EXOC4: variants seen among roughly 807,000 people sequenced by gnomAD.
EXOC4 encodes the protein exocyst complex component 4.
In EXOC4, 71 loss-of-function variants were observed where a neutral mutation model predicts 107.2. The ratio of observed to expected loss-of-function variants is 0.66; its 90% confidence interval spans 0.55 to 0.81. EXOC4 has a LOEUF of 0.81. Among genes scored for constraint, EXOC4 ranks in the 30% least tolerant of loss-of-function variants. The pLI, the probability that EXOC4 is intolerant of heterozygous loss-of-function variation, is 0.00. For synonymous variants in EXOC4, 456 were observed against 441.2 expected (o/e 1.03, Z -0.42); for missense variants, 1,108 against 1,189.6 (o/e 0.93, Z 1.01).
intron 7 of EXOC4, among the ~76,000 whole-genome samples, chr7:133,435,224 G>A (rs1196855059): frequency 1.3e-5 from 2 of 152,030 alleles, no homozygotes; most frequent in Non-Finnish European, 2.9e-5. Flanking sequence ...ATACGTCAGA[G>A]GTCATCTTGT....
chr7:133,303,825 T>TA (rs1236280096), intron 3 of EXOC4, among the ~76,000 whole-genome samples: 1 of 152,230 alleles, frequency 6.6e-6, no homozygotes, highest in East Asian at 1.9e-4. Flanking sequence ...AAGGAACACT[T>TA]ACTGAAATTG....
chr7:133,715,995 C>T (rs1367562145), intron 10 of EXOC4, among the ~76,000 whole-genome samples: 3 of 152,154 alleles, frequency 2.0e-5, no homozygotes, highest in Non-Finnish European at 2.9e-5. Flanking sequence ...ATCATTAAAG[C>T]AGTTAACTCT....
At chr7:133,560,579 G>A (rs988039678) in intron 9 of EXOC4, among the ~76,000 whole-genome samples, 5 of 152,064 alleles carry the variant, frequency 3.3e-5, no homozygotes, top group African/African-American at 1.2e-4. Flanking sequence ...CCACTGTGCT[G>A]GGCCAAGATT....
chr7:133,899,564 A>G (rs1281494922), intron 12 of EXOC4, among the ~76,000 whole-genome samples: 7 of 152,182 alleles, frequency 4.6e-5, no homozygotes, highest in Admixed American at 4.6e-4. Flanking sequence ...CTTGAAATAT[A>G]TGAAGATAGC....
At chr7:133,981,970 G>A (rs1162832427) in intron 14 of EXOC4, among the ~76,000 whole-genome samples, 1 of 152,164 alleles carries the variant, frequency 6.6e-6, no homozygotes, top group East Asian at 1.9e-4. Flanking sequence ...GGATGGATCT[G>A]CAGGCCATTA....
intron 9 of EXOC4, among the ~76,000 whole-genome samples, chr7:133,589,939 C>G (rs544231192): frequency 5.9e-5 from 9 of 152,094 alleles, no homozygotes; most frequent in Non-Finnish European, 1.3e-4. Flanking sequence ...TATTGTCTCA[C>G]GACCAGAAAA....
chr7:133,884,620 TGC>T (rs1554414614), intron 11 of EXOC4, among the ~76,000 whole-genome samples: 12 of 142,414 alleles, frequency 8.4e-5, no homozygotes, highest in South Asian at 4.5e-4. Flanking sequence ...TGTGTGTGTG[TGC>T]GCGCGTGTGT....
rs978603727 is a variant in EXOC4 at position 133,987,199 on chromosome 7, G to A, written c.2207-10293G>A. 3.9e-5 allele frequency among the ~76,000 whole-genome samples: 6 copies of A among 152,146 alleles called. No homozygotes were observed. The South Asian group carries it at 1.2e-3, about 32-fold the overall frequency. On this transcript the variant is annotated intron_variant, in intron 14 of 17. Transcript: ENST00000253861. The stretch of plus-strand genomic sequence containing the variant: ...TTTGGGGCTGGGCAAGGTTCCTCAC[G>A]CCTGTAATCCCAGCACTTTGGGAAG...
chr7:133,387,541 T>G (rs1796755140), intron 7 of EXOC4, among the ~76,000 whole-genome samples: 1 of 152,188 alleles, frequency 6.6e-6, no homozygotes, highest in Non-Finnish European at 1.5e-5. Context: ...AATAATTTCT[T>G]GGACTGGAAA....
intron 12 of EXOC4, among the ~76,000 whole-genome samples, chr7:133,911,565 A>C (rs1799696496): frequency 6.6e-6 from 1 of 152,190 alleles, no homozygotes. Context: ...TATTAGAGAT[A>C]ATGTAATCTT....
intron 9 of EXOC4, among the ~76,000 whole-genome samples, chr7:133,487,438 G>C (rs1242922779): frequency 1.3e-5 from 2 of 152,154 alleles, no homozygotes; most frequent in African/African-American, 4.8e-5. Flanking sequence ...GCTGCGCATG[G>C]TGGCTCACTC....
At chr7:133,785,696 G>A (rs1428603170) in intron 10 of EXOC4, among the ~76,000 whole-genome samples, 2 of 150,902 alleles carry the variant, frequency 1.3e-5, no homozygotes, top group Non-Finnish European at 3.0e-5. Flanking sequence ...TTTTTGAGAC[G>A]GAGTCTCGTT....
At chr7:134,006,917 A>C (rs1271818254) in intron 16 of EXOC4, among the ~76,000 whole-genome samples, 2 of 152,160 alleles carry the variant, frequency 1.3e-5, no homozygotes, top group Non-Finnish European at 2.9e-5. Flanking sequence ...TGATGTCCTG[A>C]GCTGCCCTTT....
intron 17 of EXOC4, among the ~76,000 whole-genome samples, chr7:134,034,266 G>C (rs1795337068): frequency 1.3e-5 from 2 of 152,086 alleles, no homozygotes; most frequent in Non-Finnish European, 2.9e-5. Context: ...AACTCAAGTA[G>C]TACAAGAGAA....
At chr7:133,455,007 G>A (rs954930282) in intron 7 of EXOC4, among the ~76,000 whole-genome samples, 1 of 152,088 alleles carries the variant, frequency 6.6e-6, no homozygotes, top group Admixed American at 6.6e-5. Flanking sequence ...GATTGCTTGA[G>A]CTGGGGAGGT....
chr7:134,004,510 A>G (rs558897570), intron 15 of EXOC4, among the ~76,000 whole-genome samples: 46 of 152,318 alleles, frequency 3.0e-4, no homozygotes, highest in African/African-American at 1.1e-3. Context: ...TTGCAACAAT[A>G]TCTGTTGAAA....
chr7:133,517,425 G>T (rs1039354642), intron 9 of EXOC4, among the ~76,000 whole-genome samples: 4 of 152,034 alleles, frequency 2.6e-5, no homozygotes, highest in African/African-American at 9.7e-5. Context: ...TCCTTCCCCC[G>T]CTCCATGTGT....
At chr7:134,046,519 G>T (rs6951591) in intron 17 of EXOC4, among the ~76,000 whole-genome samples, 150,334 of 150,344 alleles carry the variant, frequency 1, 75,162 homozygotes, top group Middle Eastern at 1. Flanking sequence ...CCTAAGTCAT[G>T]GCCCTCACCA....
intron 17 of EXOC4, among the ~76,000 whole-genome samples, chr7:134,037,254 G>A (rs748483976): frequency 7.9e-5 from 12 of 152,150 alleles, no homozygotes; most frequent in Non-Finnish European, 1.6e-4. Context: ...CTGCTCCCAC[G>A]TTGCCCAGAT....
Sources: allele counts gnomAD v4.1 joint callset (sites outside exome capture counted in the v4.1 genomes callset), GRCh38; gene constraint gnomAD v4.1.1; transcripts MANE v1.5; gene names NCBI Gene and HGNC (gene_info 2026-07-23, HGNC 2026-07-21).